TRAF3IP1: variants seen among roughly 807,000 people sequenced by gnomAD.
TRAF3IP1 encodes TRAF3-interacting protein 1.
In TRAF3IP1, 53 loss-of-function variants were observed where a neutral mutation model predicts 89.9. That is an observed-to-expected ratio of 0.59 (90% CI 0.47 to 0.74). The LOEUF (loss-of-function observed/expected upper bound fraction) is 0.74. TRAF3IP1 is among the 30% of genes least tolerant of loss of function. The pLI, the probability that TRAF3IP1 is intolerant of heterozygous loss-of-function variation, is 0.00. For synonymous variants in TRAF3IP1, 311 were observed against 322.1 expected, an observed-to-expected ratio of 0.97 and a Z score of 0.37; for missense variants, 806 against 866.1, an observed-to-expected ratio of 0.93 and a Z score of 0.87.
intron 15 of TRAF3IP1, among the ~76,000 whole-genome samples, chr2:238,363,012 A>G (rs1161461411): frequency 6.6e-6 from 1 of 152,244 alleles, no homozygotes; most frequent in Non-Finnish European, 1.5e-5. Flanking sequence ...AGATGTTTGA[A>G]GTAGCCTTTA....
In TRAF3IP1 at chr2:238,328,260, GT is replaced by G. The variant is rs911170981; in HGVS notation, c.355-417del. Reference sequence around the variant, plus strand: ...CTTGCCAATGCTTGTGGTTTTGTGTGTTTTTTTTTAGGAGCAGCCATCCTAA... The same window carrying G: ...CTTGCCAATGCTTGTGGTTTTGTGTGTTTTTTTTAGGAGCAGCCATCCTAA... On this transcript the variant is annotated intron_variant, in intron 3 of 16. Transcript: ENST00000373327. Among the ~76,000 whole-genome samples the G allele has an allele frequency of 3.5e-3, 536 of 151,248 alleles. 4 individuals are homozygous for G. The highest frequency in any genetic ancestry group is 0.013 in the African/African-American group (522 of 41,200).
At chr2:238,325,000 G>GGGTT (rs1480916438) in intron 1 of TRAF3IP1, among the ~76,000 whole-genome samples, 1 of 152,142 alleles carries the variant, frequency 6.6e-6, no homozygotes, top group African/African-American at 2.4e-5. Flanking sequence ...CCTCCAGGAA[G>GGGTT]GGTTCCCTGC....
Position 238,353,154 on chromosome 2 carries a change from C to T in TRAF3IP1, c.1576-19C>T, listed in dbSNP as rs1280953592. 5 of 1,613,950 alleles carry T rather than the reference C, an allele frequency of 3.1e-6. No homozygotes were observed. The African/African-American group carries it at 4.0e-5, about 13-fold the overall frequency. On this transcript the variant is annotated intron_variant, in intron 13 of 16. Coordinates refer to ENST00000373327, the MANE Select transcript of TRAF3IP1 (RefSeq NM_015650.4). ...CAACAAGCCTGAATCTTCTTTTTCC[C>T]CCTTCCTTTCCTGCTCAGGTAACAG...
intron 15 of TRAF3IP1, among the ~76,000 whole-genome samples, chr2:238,387,086 C>T (rs1047747878): frequency 5.3e-5 from 8 of 152,196 alleles, no homozygotes; most frequent in Non-Finnish European, 5.9e-5. Flanking sequence ...ACAGGCGTTA[C>T]ACCCATTTGC....
chr2:238,344,851 T>TG (rs1456178130), intron 9 of TRAF3IP1: 2 of 619,296 alleles, frequency 3.2e-6, no homozygotes, highest in Admixed American at 2.1e-5. Context: ...TTTCATCACT[T>TG]GGGGGGTGTC....
intron 15 of TRAF3IP1, among the ~76,000 whole-genome samples, chr2:238,377,008 A>G (rs1700343934): frequency 6.6e-6 from 1 of 152,082 alleles, no homozygotes; most frequent in South Asian, 2.1e-4. Flanking sequence ...GTGGCAGAGG[A>G]GTGATTCAAG....
At chr2:238,322,234 C>T (rs574674042) in intron 1 of TRAF3IP1, among the ~76,000 whole-genome samples, 18 of 152,372 alleles carry the variant, frequency 1.2e-4, no homozygotes, top group African/African-American at 3.6e-4. Context: ...GCTGCCAAAA[C>T]CTTTATTCTC....
chr2:238,327,741 T>G (rs989446996), intron 3 of TRAF3IP1, among the ~76,000 whole-genome samples: 2 of 152,086 alleles, frequency 1.3e-5, no homozygotes, highest in African/African-American at 4.8e-5. Flanking sequence ...TAACTTCCTC[T>G]TCTCCCGTAC....
rs577988211 is a variant in TRAF3IP1 at position 238,361,774 on chromosome 2, G to A, written c.1689+5694G>A. On this transcript the variant is annotated intron_variant, in intron 15 of 16. Coordinates refer to ENST00000373327, the MANE Select transcript of TRAF3IP1 (RefSeq NM_015650.4). ...CTTTATATAATTGTGGGATCAGTTT[G>A]TGTGGTTCCATGAAAAACCTTGTTG... Among the ~76,000 whole-genome samples the A allele has an allele frequency of 5.3e-5, 8 of 152,030 alleles. No homozygotes were observed. The East Asian group carries it at 1.5e-3, about 29-fold the overall frequency.
chr2:238,364,410 T>TC (rs1341393488), intron 15 of TRAF3IP1, among the ~76,000 whole-genome samples: 1 of 151,572 alleles, frequency 6.6e-6, no homozygotes, highest in Non-Finnish European at 1.5e-5. Flanking sequence ...GCCAGCGTTT[T>TC]TTTTTCTTTC....
At chr2:238,395,806 A>G (rs1348800823) in intron 15 of TRAF3IP1, among the ~76,000 whole-genome samples, 1 of 152,264 alleles carries the variant, frequency 6.6e-6, no homozygotes, top group Non-Finnish European at 1.5e-5. Context: ...CATCAGAGAT[A>G]TGCAAATCAA....
At chr2:238,378,882 C>T (rs116015226) in intron 15 of TRAF3IP1, among the ~76,000 whole-genome samples, 268 of 152,264 alleles carry the variant, frequency 1.8e-3, no homozygotes, top group African/African-American at 6.2e-3. Context: ...AGTGGTTTTG[C>T]GGTCAGTCTT....
intron 15 of TRAF3IP1, among the ~76,000 whole-genome samples, chr2:238,361,524 G>A (rs1699660245): frequency 6.6e-6 from 1 of 152,024 alleles, no homozygotes. Flanking sequence ...TCTCTGCGTG[G>A]TCTGGAAGTG....
intron 9 of TRAF3IP1, 197 bp downstream of exon 9, chr2:238,344,795 C>T (rs1698817799): frequency 2.9e-6 from 2 of 680,194 alleles, no homozygotes; most frequent in Non-Finnish European, 2.7e-6. Flanking sequence ...GCATGGGACC[C>T]ACTCGTGTGC....
chr2:238,356,907 T>C (rs1699438623), intron 15 of TRAF3IP1, among the ~76,000 whole-genome samples: 1 of 151,984 alleles, frequency 6.6e-6, no homozygotes, highest in Non-Finnish European at 1.5e-5. Flanking sequence ...GCCTCCCGTG[T>C]AGCTGGGACT....
chr2:238,374,886 A>AT (rs1700252381), intron 15 of TRAF3IP1, among the ~76,000 whole-genome samples: 1 of 151,572 alleles, frequency 6.6e-6, no homozygotes, highest in Non-Finnish European at 1.5e-5. Context: ...GAATTTATCT[A>AT]TTTTTTCTAG....
chr2:238,381,146 T>A (rs1700533484), intron 15 of TRAF3IP1, among the ~76,000 whole-genome samples: 1 of 150,800 alleles, frequency 6.6e-6, no homozygotes. Flanking sequence ...TATTTATTTT[T>A]TTTTTTTTCA....
At chr2:238,395,044 TG>T (rs759127686) in intron 15 of TRAF3IP1, among the ~76,000 whole-genome samples, 21 of 151,402 alleles carry the variant, frequency 1.4e-4, no homozygotes, top group Non-Finnish European at 1.6e-4. Flanking sequence ...CTGGAGTGGG[TG>T]GGGGGGTGTC....
chr2:238,385,241 C>T (rs956770425), intron 15 of TRAF3IP1, among the ~76,000 whole-genome samples: 1 of 152,136 alleles, frequency 6.6e-6, no homozygotes, highest in Non-Finnish European at 1.5e-5. Flanking sequence ...TGGTCTCGAT[C>T]TCCTGACCTC....
Sources: allele counts gnomAD v4.1 joint callset (sites outside exome capture counted in the v4.1 genomes callset), GRCh38; gene constraint gnomAD v4.1.1; transcripts MANE v1.5; gene names NCBI Gene and HGNC (gene_info 2026-07-23, HGNC 2026-07-21).